Variants in RHEX observed in about 807,000 individuals in gnomAD.
RHEX encodes regulator of hemoglobinization and erythroid cell expansion.
In RHEX, 18 loss-of-function variants were observed where a neutral mutation model predicts 20.1. The observed-to-expected ratio is 0.90, with a 90% CI of 0.62 to 1.33. RHEX has a LOEUF of 1.33. Among genes scored for constraint, RHEX ranks in the 40% most tolerant of loss-of-function variants. The pLI is 0.00. For synonymous variants in RHEX, 87 were observed against 77.1 expected (o/e 1.13, Z -0.67); for missense variants, 192 against 214.3 (o/e 0.90, Z 0.65).
intron 1 of RHEX, among the ~76,000 whole-genome samples, chr1:206,068,517 G>A (rs1271943028): frequency 6.6e-6 from 1 of 152,106 alleles, no homozygotes; most frequent in Non-Finnish European, 1.5e-5. Flanking sequence ...AAATAAGGGG[G>A]AAGTGGTAAG....
chr1:206,057,074 C>T (rs545184984), intron 1 of RHEX, among the ~76,000 whole-genome samples: 1 of 152,364 alleles, frequency 6.6e-6, no homozygotes, highest in South Asian at 2.1e-4. Flanking sequence ...GTGTAAGCAT[C>T]CTAATAAAAG....
intron 1 of RHEX, among the ~76,000 whole-genome samples, chr1:206,092,902 A>C (rs1250031153): frequency 1.3e-5 from 2 of 152,220 alleles, no homozygotes; most frequent in East Asian, 3.8e-4. Context: ...TTCCATTTCC[A>C]TCCAGCTTTG....
intron 1 of RHEX, among the ~76,000 whole-genome samples, chr1:206,086,784 G>A (rs1407596753): frequency 6.6e-6 from 1 of 152,174 alleles, no homozygotes; most frequent in Non-Finnish European, 1.5e-5. Context: ...TGAGACAGGA[G>A]GATTGCTTGA....
At chr1:206,064,887 TAGA>T (rs1662394154) in intron 1 of RHEX, among the ~76,000 whole-genome samples, 1 of 148,016 alleles carries the variant, frequency 6.8e-6, no homozygotes, top group African/African-American at 2.7e-5. Context: ...CGTGTCTGTG[TAGA>T]AGGAGGTAGA....
At chr1:206,075,565 T>C (rs1662621730) in intron 1 of RHEX, among the ~76,000 whole-genome samples, 1 of 152,020 alleles carries the variant, frequency 6.6e-6, no homozygotes, top group Non-Finnish European at 1.5e-5. Flanking sequence ...CATTGGTGAG[T>C]TTGCCAAGGT....
rs782432942 is a variant in RHEX, at chr1:206,097,819, G to A, written c.-10G>A. On this transcript the variant is annotated 5_prime_UTR_variant, in exon 2 of 6. Transcript: ENST00000331555. ...TGCCTGAGCCCCAACTTATCAGCAA[G>A]GAGCTCATCATGCTGACAGAGTGAG... 22 of 1,613,636 alleles carry A rather than the reference G, an allele frequency of 1.4e-5. No homozygotes were observed. The South Asian group carries it at 2.2e-4, about 16-fold the overall frequency.
chr1:206,099,718 A>G lies in RHEX; in HGVS notation c.176A>G (p.His59Arg). 1 of 1,613,946 alleles carries G rather than the reference A, an allele frequency of 6.2e-7. No individual in the cohort carries two copies. Among genetic ancestry groups the G allele is most frequent in the Non-Finnish European group, 8.5e-7 (1 of 1,179,824 alleles). The change falls in exon 4 of 6, where the codon CAC becomes CGC. Residue 59 changes from histidine (H) to arginine (R), a missense_variant. His to Arg is a conservative substitution (Grantham distance 29). Coordinates refer to ENST00000331555, the MANE Select transcript of RHEX (RefSeq NM_001007544.4). Reference protein sequence around the residue: ...SLQVPRPSPGHHHPPAVKEMK... With the variant: ...SLQVPRPSPGRHHPPAVKEMK... Reference sequence around the variant, plus strand: ...CAGGTTCCCAGGCCCAGCCCTGGCCACCATCATCCACCTGCTGTCAAAGAG... The same window carrying G: ...CAGGTTCCCAGGCCCAGCCCTGGCCGCCATCATCCACCTGCTGTCAAAGAG...
chr1:206,059,453 C>G (rs1441034270), intron 1 of RHEX, among the ~76,000 whole-genome samples: 1 of 152,114 alleles, frequency 6.6e-6, no homozygotes, highest in African/African-American at 2.4e-5. Flanking sequence ...AGTAAATTGC[C>G]TTAGTGATCC....
intron 1 of RHEX, among the ~76,000 whole-genome samples, chr1:206,076,049 A>C (rs1355270913): frequency 6.6e-6 from 1 of 152,238 alleles, no homozygotes; most frequent in African/African-American, 2.4e-5. Flanking sequence ...TGCAATAGGC[A>C]TGCATAAGTG....
At chr1:206,098,040 C>G in intron 2 of RHEX, 41 bp from the exon 3 acceptor site, 7 of 1,467,846 alleles carry the variant, frequency 4.8e-6, no homozygotes, top group Non-Finnish European at 6.7e-6. Flanking sequence ...GTATTCACAT[C>G]CTTGCAATCT....
rs782477213 is a variant in RHEX, at chr1:206,101,980, T to A, written c.*28T>A. ...TCCAAATATTTTTAATGGGGTCCAGTTCTCTATGGATTCTTACATTTAATT... is the reference window on the plus strand; with the variant it reads ...TCCAAATATTTTTAATGGGGTCCAGATCTCTATGGATTCTTACATTTAATT... On this transcript the variant is annotated 3_prime_UTR_variant, in exon 6 of 6. Coordinates refer to ENST00000331555, the MANE Select transcript of RHEX (RefSeq NM_001007544.4). 2.7e-5 allele frequency: 41 copies of A among 1,518,556 alleles called. 1 individual carries two copies. In the East Asian group the frequency reaches 9.2e-4, roughly 34 times the overall value. 94.1% of individuals were successfully genotyped at this position (1,518,556 alleles called of 1,614,324 possible). A position where few individuals can be genotyped will look rare whatever the true frequency, so the allele number is the denominator to read the frequency against.
chr1:206,078,651 G>T (rs981160250), intron 1 of RHEX, among the ~76,000 whole-genome samples: 10 of 152,174 alleles, frequency 6.6e-5, no homozygotes, highest in Non-Finnish European at 1.5e-5. Flanking sequence ...TGAGTTCATT[G>T]AATCTTAAAC....
chr1:206,064,389 G>C (rs1182219129), intron 1 of RHEX, among the ~76,000 whole-genome samples: 1 of 128,720 alleles, frequency 7.8e-6, no homozygotes. Flanking sequence ...GGAGGGAGGT[G>C]GGGGGGTCAG....
At chr1:206,064,254 G>A (rs1662370149) in intron 1 of RHEX, among the ~76,000 whole-genome samples, 2 of 146,988 alleles carry the variant, frequency 1.4e-5, no homozygotes, top group African/African-American at 2.6e-5. Context: ...CCGTCCGGGA[G>A]GGAGGTGGGG....
At chr1:206,078,961 C>G (rs1662684937) in intron 1 of RHEX, among the ~76,000 whole-genome samples, 1 of 152,146 alleles carries the variant, frequency 6.6e-6, no homozygotes, top group African/African-American at 2.4e-5. Flanking sequence ...AAGCAAATGG[C>G]TTTTGAAGTA....
At chr1:206,075,047 A>G (rs991855161) in intron 1 of RHEX, among the ~76,000 whole-genome samples, 5 of 152,212 alleles carry the variant, frequency 3.3e-5, no homozygotes, top group Non-Finnish European at 7.3e-5. Context: ...TGGTGTAAAT[A>G]TATTGTTGAA....
In RHEX at chr1:206,101,793, C is replaced by T; in HGVS notation, c.360C>T (p.Asp120=). 6.2e-7 allele frequency: 1 copy of T among 1,613,872 alleles called. No individual in the cohort carries two copies. The highest frequency in any genetic ancestry group is 1.3e-5 in the African/African-American group (1 of 75,040). The change falls in exon 6 of 6, where the codon GAC becomes GAT. Residue 120 remains aspartate (D), a synonymous_variant. Transcript: ENST00000331555. ...ATTACACACAAGTCGTCTTTTCTGA[C>T]CCTGGAGAACTAAAAAATGACTCCC... The part of the protein sequence containing the change: ...DVDYTQVVFS[D]PGELKNDSPL...
At chr1:206,083,761 T>A in intron 1 of RHEX, 2 of 485,900 alleles carry the variant, frequency 4.1e-6, no homozygotes, top group Non-Finnish European at 2.7e-6. Flanking sequence ...TGTGCTGAGA[T>A]TCCAGGGTGC....
intron 3 of RHEX, among the ~76,000 whole-genome samples, chr1:206,099,204 T>A (rs1571875141): frequency 6.6e-6 from 1 of 151,808 alleles, no homozygotes; most frequent in Non-Finnish European, 1.5e-5. Context: ...CATGGCAGGG[T>A]TTTGAGCACA....
Sources: gnomAD v4.1 joint callset for allele counts (sites outside exome capture counted in the v4.1 genomes callset) on GRCh38, gnomAD v4.1.1 for gene constraint, MANE v1.5 for transcripts, NCBI Gene and HGNC (gene_info 2026-07-23, HGNC 2026-07-21) for gene names.